Variants in FARS2 observed in about 807,000 individuals in gnomAD.
FARS2 encodes phenylalanine--tRNA ligase, mitochondrial.
Under a neutral mutation model 46.4 loss-of-function variants are expected in FARS2, and 40 were observed. That is an observed-to-expected ratio of 0.86 (90% CI 0.67 to 1.12). FARS2 has a LOEUF of 1.12. Among genes scored for constraint, FARS2 ranks in the 50% most tolerant of loss-of-function variants. The pLI, the probability that FARS2 is intolerant of heterozygous loss-of-function variation, is 0.00. For synonymous variants in FARS2, 234 were observed against 214.9 expected (o/e 1.09, Z -0.78); for missense variants, 513 against 567.9 (o/e 0.90, Z 0.98).
At chr6:5,759,088 A>G (rs749338762) in intron 6 of FARS2, among the ~76,000 whole-genome samples, 3 of 152,166 alleles carry the variant, frequency 2.0e-5, no homozygotes, top group Non-Finnish European at 4.4e-5. Flanking sequence ...GAAAACCCAT[A>G]TGTAGAGAAG....
chr6:5,327,725 G>A (rs1028286250), intron 1 of FARS2, among the ~76,000 whole-genome samples: 4 of 152,248 alleles, frequency 2.6e-5, no homozygotes, highest in East Asian at 1.9e-4. Flanking sequence ...ATACATTGCC[G>A]TTAGGGTTTA....
At chr6:5,513,922 T>TA (rs879628229) in intron 4 of FARS2, among the ~76,000 whole-genome samples, 2,508 of 146,248 alleles carry the variant, frequency 0.017, 58 homozygotes, top group African/African-American at 0.046. Context: ...TTAGGTTATC[T>TA]AAAAAAAAAA....
At chr6:5,595,812 C>T (rs1045568026) in intron 5 of FARS2, among the ~76,000 whole-genome samples, 2 of 152,154 alleles carry the variant, frequency 1.3e-5, no homozygotes, top group African/African-American at 4.8e-5. Flanking sequence ...TGACAGACGA[C>T]TGGAATCATC....
chr6:5,624,819 G>A (rs972309971), intron 6 of FARS2, among the ~76,000 whole-genome samples: 1 of 152,158 alleles, frequency 6.6e-6, no homozygotes, highest in Non-Finnish European at 1.5e-5. Context: ...GTAGGGTGGG[G>A]CGGCCCCGCC....
chr6:5,313,773 G>A (rs920062624), intron 1 of FARS2, among the ~76,000 whole-genome samples: 1 of 152,050 alleles, frequency 6.6e-6, no homozygotes, highest in African/African-American at 2.4e-5. Flanking sequence ...AGAGAGGTAA[G>A]TCATTGGTTT....
At chr6:5,338,450 G>A (rs1383819927) in intron 1 of FARS2, among the ~76,000 whole-genome samples, 1 of 152,142 alleles carries the variant, frequency 6.6e-6, no homozygotes, top group Non-Finnish European at 1.5e-5. Context: ...CTTTTGCAAA[G>A]CCTTTCAAAT....
intron 6 of FARS2, among the ~76,000 whole-genome samples, chr6:5,633,645 T>C (rs150265196): frequency 1.3e-5 from 2 of 152,340 alleles, no homozygotes; most frequent in East Asian, 3.9e-4. Context: ...TGCATACGTA[T>C]ATACTAAGAA....
At position 5,343,138 on chromosome 6, in the gene FARS2, C is replaced by T. The variant is rs1174913248; in HGVS notation, c.-21-25412C>T. ...TAATGGTAGTAATAATTTATTTTAC[C>T]GATTAGAGATGGTACTACTGCTGAC... On this transcript the variant is annotated intron_variant, in intron 1 of 6. Transcript: ENST00000274680. The surrounding 1 kb of genome is among the most constrained non-coding windows in gnomAD (Gnocchi z 4.5). Among the ~76,000 whole-genome samples, 1 of 151,942 alleles carries T rather than the reference C, an allele frequency of 6.6e-6. No homozygotes were observed. Among genetic ancestry groups the T allele is most frequent in the East Asian group, 1.9e-4 (1 of 5,194 alleles).
intron 4 of FARS2, among the ~76,000 whole-genome samples, chr6:5,494,391 G>A (rs73356334): frequency 0.053 from 8,000 of 152,254 alleles, 747 homozygotes; most frequent in African/African-American, 0.18. Context: ...ACTGGAATCC[G>A]GGTCTGTACT....
At chr6:5,254,035 T>C in the FARS2 span, among the ~76,000 whole-genome samples, 2 of 152,164 alleles carry the variant, frequency 1.3e-5, no homozygotes, top group Admixed American at 6.5e-5. Context: ...TCATGCTCAC[T>C]GTTTGGTTGT....
chr6:5,749,222 G>A (rs372457122), intron 6 of FARS2, among the ~76,000 whole-genome samples: 317 of 152,344 alleles, frequency 2.1e-3, no homozygotes, highest in African/African-American at 7.2e-3. Flanking sequence ...CCAAGAACAC[G>A]CCAAAGGGCT....
chr6:5,740,974 A>G (rs1761294609), intron 6 of FARS2, among the ~76,000 whole-genome samples: 1 of 152,164 alleles, frequency 6.6e-6, no homozygotes, highest in African/African-American at 2.4e-5. Flanking sequence ...TAAAGGGAAA[A>G]TGGACTCACT....
intron 1 of FARS2, among the ~76,000 whole-genome samples, chr6:5,271,174 T>TGTCTTCTCTAACGTAAATTTTATC (rs1310264400): frequency 6.6e-6 from 1 of 152,222 alleles, no homozygotes; most frequent in Non-Finnish European, 1.5e-5. Flanking sequence ...TTCTCTACTT[T>TGTCTTCTCTAACGTAAATTTTATC]GTCTTCTCTA....
intron 6 of FARS2, among the ~76,000 whole-genome samples, chr6:5,723,780 C>T (rs562233245): frequency 1.1e-4 from 16 of 152,290 alleles, no homozygotes; most frequent in Non-Finnish European, 2.2e-4. Context: ...TTTGAACAAG[C>T]AGTAAGAAAA....
intron 2 of FARS2, among the ~76,000 whole-genome samples, chr6:5,383,098 G>C (rs1759892535): frequency 6.6e-6 from 1 of 152,182 alleles, no homozygotes. Context: ...TGGGCACCCT[G>C]TGACCCCGTC....
At chr6:5,510,034 A>G (rs1278939537) in intron 4 of FARS2, among the ~76,000 whole-genome samples, 1 of 152,114 alleles carries the variant, frequency 6.6e-6, no homozygotes, top group African/African-American at 2.4e-5. Context: ...GGGATTAAGG[A>G]GAGTGTCATC....
At chr6:5,746,752 T>C (rs1312982603) in intron 6 of FARS2, among the ~76,000 whole-genome samples, 1 of 152,146 alleles carries the variant, frequency 6.6e-6, no homozygotes, top group Non-Finnish European at 1.5e-5. Context: ...ACATCACTAA[T>C]AGTGATCAGT....
chr6:5,635,318 A>G (rs1249846107), intron 6 of FARS2, among the ~76,000 whole-genome samples: 1 of 152,230 alleles, frequency 6.6e-6, no homozygotes. Flanking sequence ...TGTTTACTCT[A>G]GTTAAGCCCA....
At chr6:5,709,642 ATTATGGT>A (rs1381031160) in intron 6 of FARS2, among the ~76,000 whole-genome samples, 2 of 149,606 alleles carry the variant, frequency 1.3e-5, no homozygotes, top group African/African-American at 4.9e-5. Context: ...CAAGAAGAAA[ATTATGGT>A]CCCCTGTTGA....
Sources: gnomAD v4.1 joint callset for allele counts (sites outside exome capture counted in the v4.1 genomes callset) on GRCh38, gnomAD v4.1.1 for gene constraint, Gnocchi (gnomAD v3.1) non-coding constraint, MANE v1.5 for transcripts, NCBI Gene and HGNC (gene_info 2026-07-23, HGNC 2026-07-21) for gene names.